The following KLRG1 variants were observed in gnomAD, a reference collection of about 807,000 sequenced individuals.
KLRG1 encodes killer cell lectin-like receptor subfamily G member 1.
In KLRG1, 16 loss-of-function variants were observed where a neutral mutation model predicts 21.8. The observed-to-expected ratio is 0.73, with a 90% CI of 0.50 to 1.11. The LOEUF (loss-of-function observed/expected upper bound fraction) is 1.11. Ranked by LOEUF, KLRG1 falls within the 50% of genes most tolerant of loss-of-function variation. The pLI, the probability that KLRG1 is intolerant of heterozygous loss-of-function variation, is 0.00. For missense variants in KLRG1, 173 were observed against 218.3 expected (o/e 0.79, Z 1.31); for synonymous variants, 69 against 75.9 (o/e 0.91, Z 0.47).
chr12:9,077,854 G>T, the KLRG1 span: 3 of 1,614,118 alleles, frequency 1.9e-6, no homozygotes, highest in Non-Finnish European at 2.5e-6. Context: ...CAAAGGCTGT[G>T]AGCCTGACCA....
the KLRG1 span, among the ~76,000 whole-genome samples, chr12:9,144,939 G>C: frequency 2.6e-5 from 4 of 152,276 alleles, no homozygotes; most frequent in South Asian, 8.3e-4. Flanking sequence ...TTGATTAAGG[G>C]GAACTTTAAA....
At chr12:9,093,079 G>C in the KLRG1 span, among the ~76,000 whole-genome samples, 2 of 152,164 alleles carry the variant, frequency 1.3e-5, no homozygotes, top group East Asian at 1.9e-4. Flanking sequence ...AGAGTAGAAA[G>C]GTGGTTGGGG....
At chr12:9,146,274 C>T in the KLRG1 span, among the ~76,000 whole-genome samples, 78 of 151,748 alleles carry the variant, frequency 5.1e-4, 2 homozygotes, top group African/African-American at 1.8e-3. Flanking sequence ...TTCAAATTAA[C>T]TGATCTTTTC....
At chr12:9,071,274 T>G in the KLRG1 span, among the ~76,000 whole-genome samples, 1 of 152,156 alleles carries the variant, frequency 6.6e-6, no homozygotes, top group African/African-American at 2.4e-5. Context: ...TCTACATTAT[T>G]TACAAAAACA....
chr12:9,179,750 C>T, the KLRG1 span, among the ~76,000 whole-genome samples: 250 of 152,322 alleles, frequency 1.6e-3, 1 homozygote, highest in Middle Eastern at 6.8e-3. Context: ...CATTAATTTA[C>T]TCACTCTTTT....
the KLRG1 span, among the ~76,000 whole-genome samples, chr12:9,204,410 C>G: frequency 2.0e-5 from 3 of 151,978 alleles, no homozygotes; most frequent in Non-Finnish European, 4.4e-5. Context: ...GAATGAACAC[C>G]GTGACTAGAT....
At chr12:8,983,002 CATTT>C (rs1194384581) in intron 1 of KLRG1, among the ~76,000 whole-genome samples, 1 of 152,118 alleles carries the variant, frequency 6.6e-6, no homozygotes, top group African/African-American at 2.4e-5. Flanking sequence ...CAATTTGTGC[CATTT>C]ATTTGGTGCA....
chr12:9,077,944 G>A, the KLRG1 span: 4 of 1,500,362 alleles, frequency 2.7e-6, no homozygotes, highest in Non-Finnish European at 3.7e-6. Context: ...TATGATGTGA[G>A]TTAGCTAACA....
chr12:8,986,376 G>A (rs1297246533), upstream of KLRG1, among the ~76,000 whole-genome samples: 1 of 152,146 alleles, frequency 6.6e-6, no homozygotes, highest in Non-Finnish European at 1.5e-5. Context: ...CATCCTGAAT[G>A]GGGAGTATCT....
At chr12:9,096,465 A>G in the KLRG1 span, among the ~76,000 whole-genome samples, 4 of 152,226 alleles carry the variant, frequency 2.6e-5, no homozygotes, top group Non-Finnish European at 5.9e-5. Flanking sequence ...CTAAACAGGC[A>G]CACGAATAGG....
the KLRG1 span, chr12:9,192,777 GAAATTCTTC>G: frequency 7.0e-7 from 1 of 1,418,536 alleles, no homozygotes; most frequent in Admixed American, 1.7e-5. Context: ...ATACTGTCTT[GAAATTCTTC>G]ACCTTAGCTT....
At chr12:8,982,608 T>A (rs1010645485) in intron 1 of KLRG1, among the ~76,000 whole-genome samples, 5 of 152,148 alleles carry the variant, frequency 3.3e-5, no homozygotes, top group Non-Finnish European at 7.4e-5. Flanking sequence ...GTCATTATAT[T>A]TAAAGTGCAT....
At chr12:8,974,495 T>A (rs1258131484) in intron 1 of KLRG1, among the ~76,000 whole-genome samples, 1 of 142,746 alleles carries the variant, frequency 7.0e-6, no homozygotes, top group African/African-American at 2.5e-5. Context: ...TTGATTGGGA[T>A]GTTAGCTGTG....
At chr12:9,029,216 A>T in the KLRG1 span, 3,178 of 173,440 alleles carry the variant, frequency 0.018, 124 homozygotes, top group African/African-American at 0.071. Context: ...AAAATTTTTT[A>T]TTTATTTATT....
At chr12:9,145,986 T>C in the KLRG1 span, among the ~76,000 whole-genome samples, 3 of 152,224 alleles carry the variant, frequency 2.0e-5, no homozygotes, top group Admixed American at 6.5e-5. Flanking sequence ...CTTTTGATAA[T>C]TTAATGATTA....
chr12:9,026,852 G>A, the KLRG1 span, among the ~76,000 whole-genome samples: 1 of 151,508 alleles, frequency 6.6e-6, no homozygotes, highest in East Asian at 1.9e-4. Flanking sequence ...TAAAAAAATC[G>A]TGTGTGTGTC....
the KLRG1 span, chr12:9,065,020 G>T: frequency 6.6e-6 from 1 of 152,336 alleles, no homozygotes. Context: ...CCCCAGGCAG[G>T]GCCGTGAGCC....
At chr12:9,074,781 T>A in the KLRG1 span, 1 of 1,609,826 alleles carries the variant, frequency 6.2e-7, no homozygotes, top group Non-Finnish European at 8.5e-7. Context: ...TGGACAGAGT[T>A]GTCTTAAAGA....
chr12:8,995,412 G>C (rs1350364683), intron 3 of KLRG1, 124 bp downstream of exon 3: 12 of 818,794 alleles, frequency 1.5e-5, no homozygotes, highest in Non-Finnish European at 2.0e-5. Context: ...ATTTGGGGGG[G>C]ATACTATATT....
Sources: allele counts gnomAD v4.1 joint callset (sites outside exome capture counted in the v4.1 genomes callset), GRCh38; gene constraint gnomAD v4.1.1; transcripts MANE v1.5; gene names NCBI Gene and HGNC (gene_info 2026-07-23, HGNC 2026-07-21).